Variants in ZNHIT6 observed in about 807,000 individuals in gnomAD.
ZNHIT6 encodes box C/D snoRNA protein 1.
A neutral mutation model predicts 57.2 loss-of-function variants in ZNHIT6; 45 were observed. The observed-to-expected ratio is 0.79, with a 90% CI of 0.62 to 1.01. The LOEUF (loss-of-function observed/expected upper bound fraction) is 1.01. Ranked by LOEUF, ZNHIT6 falls within the 50% of genes least tolerant of loss-of-function variation. The pLI is 0.00. For missense variants in ZNHIT6, 528 were observed against 567.3 expected, an observed-to-expected ratio of 0.93 and a Z score of 0.70; for synonymous variants, 188 against 190.0, an observed-to-expected ratio of 0.99 and a Z score of 0.09.
intron 4 of ZNHIT6, 75 bp downstream of exon 4, chr1:85,706,003 G>C: frequency 8.5e-7 from 1 of 1,179,954 alleles, no homozygotes; most frequent in East Asian, 2.5e-5. Flanking sequence ...AATATATTTG[G>C]TAAGTTAAAA....
In ZNHIT6 at chr1:85,652,180, A is replaced by G. The variant is rs1003393670; in HGVS notation, c.*1878T>C. ...AGACTTTTCTTGGAAATGAGACTAC[A>G]TCATAACAGATTTCACTGTCAAAAA... On this transcript the variant is annotated 3_prime_UTR_variant, in exon 10 of 10. Transcript: ENST00000370574. The G allele has an allele frequency of 1.3e-5, 2 of 152,186 alleles. No homozygotes were observed. The highest frequency in any genetic ancestry group is 2.9e-5 in the Non-Finnish European group (2 of 68,036). 9.4% of individuals were successfully genotyped at this position (152,186 alleles called of 1,614,324 possible).
intron 5 of ZNHIT6, among the ~76,000 whole-genome samples, chr1:85,697,495 A>C (rs1662410068): frequency 6.6e-6 from 1 of 152,206 alleles, no homozygotes; most frequent in Non-Finnish European, 1.5e-5. Flanking sequence ...TGAATAAGCA[A>C]TTATTTGTAC....
rs1242305803 is a variant in ZNHIT6, at chr1:85,667,762, GTC to G, written c.1247+9472_1247+9473del. On this transcript the variant is annotated intron_variant, in intron 8 of 9. Coordinates refer to ENST00000370574, the MANE Select transcript of ZNHIT6 (RefSeq NM_017953.4). ...AGCCTGGCCACTATGGCAAAACCCT[GTC>G]TCTCTACAAAAATACAAAAATTAGC... 4.0e-5 allele frequency among the ~76,000 whole-genome samples: 6 copies of G among 149,930 alleles called. No homozygotes were observed. The East Asian group carries it at 5.9e-4, about 15-fold the overall frequency.
Position 85,696,191 on chromosome 1 carries a change from TA to T in ZNHIT6, c.1019+5965del, listed in dbSNP as rs1344252423. On this transcript the variant is annotated intron_variant, in intron 5 of 9. Coordinates refer to ENST00000370574, the MANE Select transcript of ZNHIT6 (RefSeq NM_017953.4). ...ATTAACTGCATTTTTTTTTTTTTTTTAGAGACAGGGTCTCACTCTGTCGCCC... is the reference window on the plus strand; with the variant it reads ...ATTAACTGCATTTTTTTTTTTTTTTTGAGACAGGGTCTCACTCTGTCGCCC... Among the ~76,000 whole-genome samples, 5 of 145,880 alleles carry T rather than the reference TA, an allele frequency of 3.4e-5. No individual in the cohort carries two copies. The East Asian group carries it at 8.1e-4, about 24-fold the overall frequency.
intron 5 of ZNHIT6, among the ~76,000 whole-genome samples, chr1:85,688,574 G>T (rs901953010): frequency 6.6e-6 from 1 of 151,994 alleles, no homozygotes; most frequent in Non-Finnish European, 1.5e-5. Flanking sequence ...ACCATCCTTC[G>T]TAATCCATAA....
intron 9 of ZNHIT6, among the ~76,000 whole-genome samples, chr1:85,655,665 C>G (rs1300889146): frequency 6.6e-6 from 1 of 152,136 alleles, no homozygotes; most frequent in African/African-American, 2.4e-5. Flanking sequence ...TCATCTAAAT[C>G]TGCTAGTCTA....
At position 85,677,294 on chromosome 1, in the gene ZNHIT6, A is replaced by T. The variant is rs934070856; in HGVS notation, c.1189T>A (p.Ser397Thr). Reference sequence around the variant, plus strand: ...ATTAAAATCTGAACCCCAGTCTGAGAGCGAATGTAGGCTTTCAACCTGAAA... The same window carrying T: ...ATTAAAATCTGAACCCCAGTCTGAGTGCGAATGTAGGCTTTCAACCTGAAA... ...IRQRLKAYIR[S>T]QTGVQILMKI... Residue 397 changes from serine to threonine, a missense_variant, in exon 8 of 10, where the codon TCT becomes ACT. By Grantham distance (58) the Ser-to-Thr change is moderately conservative (BLOSUM62 1). Coordinates refer to ENST00000370574, the MANE Select transcript of ZNHIT6 (RefSeq NM_017953.4). The T allele has an allele frequency of 1.2e-6, 2 of 1,607,748 alleles. No homozygotes were observed. Among genetic ancestry groups the T allele is most frequent in the Non-Finnish European group, 1.7e-6 (2 of 1,178,222 alleles).
chr1:85,668,876 T>C (rs1016547334), intron 8 of ZNHIT6, among the ~76,000 whole-genome samples: 2 of 152,168 alleles, frequency 1.3e-5, no homozygotes, highest in African/African-American at 4.8e-5. Flanking sequence ...TGTTAGACAT[T>C]GTGTGGGAAC....
chr1:85,708,416 A>G lies in ZNHIT6; in HGVS notation c.-132T>C. 1 of 1,180,232 alleles carries G rather than the reference A, an allele frequency of 8.5e-7. No homozygotes were observed. The highest frequency in any genetic ancestry group is 2.5e-5 in the East Asian group (1 of 40,218). 73.1% of individuals were successfully genotyped at this position (1,180,232 alleles called of 1,614,324 possible). ...AGCCAAGCAGCCACAAACCCGGAAT[A>G]GCCTGCTTGACGCGACTGCTCGAAT... On this transcript the variant is annotated 5_prime_UTR_variant, in exon 1 of 10. Coordinates refer to ENST00000370574, the MANE Select transcript of ZNHIT6 (RefSeq NM_017953.4).
intron 5 of ZNHIT6, among the ~76,000 whole-genome samples, chr1:85,691,575 A>G (rs1049621513): frequency 6.6e-6 from 1 of 152,250 alleles, no homozygotes; most frequent in African/African-American, 2.4e-5. Flanking sequence ...GCTGACCATT[A>G]TGGTGAGAAC....
chr1:85,656,139 A>C (rs143734375), intron 9 of ZNHIT6, among the ~76,000 whole-genome samples: 13 of 152,342 alleles, frequency 8.5e-5, no homozygotes, highest in African/African-American at 3.1e-4. Flanking sequence ...GAGAATGTAT[A>C]AAGAAACAGA....
chr1:85,692,802 A>G (rs1034365238), intron 5 of ZNHIT6, among the ~76,000 whole-genome samples: 1 of 152,178 alleles, frequency 6.6e-6, no homozygotes, highest in Non-Finnish European at 1.5e-5. Flanking sequence ...ACATTAATAC[A>G]GGGGTAAATA....
At chr1:85,706,036 T>C in intron 4 of ZNHIT6, 42 bp downstream of exon 4, 1 of 1,466,586 alleles carries the variant, frequency 6.8e-7, no homozygotes, top group Non-Finnish European at 9.3e-7. Flanking sequence ...TCTAATTGAT[T>C]TGAAGGACTT....
chr1:85,678,769 A>G lies in ZNHIT6; in HGVS notation c.1101T>C (p.Asp367=). The change falls in exon 7 of 10, where the codon GAT becomes GAC. Residue 367 remains aspartate, a synonymous_variant. Coordinates refer to ENST00000370574, the MANE Select transcript of ZNHIT6 (RefSeq NM_017953.4). ...AEYIEKRVPD[D]KTINEILKPY... Reference sequence around the variant, plus strand: ...GTTTTAGGATTTCATTAATAGTTTTATCATCTGGTACTCTTTACAACAAAG... The same window carrying G: ...GTTTTAGGATTTCATTAATAGTTTTGTCATCTGGTACTCTTTACAACAAAG... 6.4e-7 allele frequency: 1 copy of G among 1,564,094 alleles called. No individual in the cohort carries two copies. The highest frequency in any genetic ancestry group is 8.7e-7 in the Non-Finnish European group (1 of 1,146,142).
chr1:85,686,251 G>A (rs1029557352), intron 5 of ZNHIT6, among the ~76,000 whole-genome samples: 9 of 151,886 alleles, frequency 5.9e-5, no homozygotes, highest in Non-Finnish European at 7.4e-5. Context: ...GTGAGCCACC[G>A]CACCCACCCT....
At chr1:85,702,405 C>T in intron 4 of ZNHIT6, 145 bp from the exon 5 acceptor site, 1 of 597,322 alleles carries the variant, frequency 1.7e-6, no homozygotes, top group Non-Finnish European at 3.0e-6. Flanking sequence ...GTAATCTTCA[C>T]CATGATACTA....
At chr1:85,674,251 A>G (rs1296282876) in intron 8 of ZNHIT6, among the ~76,000 whole-genome samples, 1 of 152,202 alleles carries the variant, frequency 6.6e-6, no homozygotes, top group Non-Finnish European at 1.5e-5. Flanking sequence ...CTCCACAGAT[A>G]AGGTAGAGTG....
At chr1:85,658,418 G>GA (rs913130785) in intron 8 of ZNHIT6, among the ~76,000 whole-genome samples, 5 of 151,888 alleles carry the variant, frequency 3.3e-5, no homozygotes, top group Non-Finnish European at 5.9e-5. Context: ...TTTTAGTAGA[G>GA]ACGGGGTTTC....
At chr1:85,693,720 C>CT (rs1162691977) in intron 5 of ZNHIT6, among the ~76,000 whole-genome samples, 1 of 152,196 alleles carries the variant, frequency 6.6e-6, no homozygotes, top group Non-Finnish European at 1.5e-5. Flanking sequence ...TAAAACAACA[C>CT]TGTTCTCAAT....
Sources: allele counts gnomAD v4.1 joint callset (sites outside exome capture counted in the v4.1 genomes callset), GRCh38; gene constraint gnomAD v4.1.1; transcripts MANE v1.5; gene names NCBI Gene and HGNC (gene_info 2026-07-23, HGNC 2026-07-21).